The following NMD3 variants were observed in gnomAD, a reference collection of about 807,000 sequenced individuals.
NMD3 encodes the protein 60S ribosomal export protein NMD3.
Under a neutral mutation model 73.1 loss-of-function variants are expected in NMD3, and 47 were observed. That is an observed-to-expected ratio of 0.64 (90% confidence interval 0.51 to 0.82). The LOEUF (loss-of-function observed/expected upper bound fraction) is 0.82. NMD3 is among the 40% of genes least tolerant of loss of function. The probability of loss-of-function intolerance (pLI) is 0.00; values close to 1 mark genes in which losing one functional copy is unlikely to be tolerated. For missense variants in NMD3, 554 were observed against 612.5 expected, an observed-to-expected ratio of 0.90 and a Z score of 1.01; for synonymous variants, 210 against 194.5, an observed-to-expected ratio of 1.08 and a Z score of -0.66.
intron 9 of NMD3, among the ~76,000 whole-genome samples, chr3:161,239,728 G>A (rs1449895908): frequency 6.6e-6 from 1 of 152,126 alleles, no homozygotes; most frequent in Admixed American, 6.5e-5. Flanking sequence ...TATGTACTAG[G>A]GATGAAATGA....
chr3:161,238,659 A>G (rs1044593462), intron 8 of NMD3, 71 bp from the exon 9 acceptor site: 3 of 769,836 alleles, frequency 3.9e-6, no homozygotes, highest in Non-Finnish European at 6.8e-6. Context: ...TTTAATGAAA[A>G]TTGATATTCC....
intron 11 of NMD3, among the ~76,000 whole-genome samples, chr3:161,245,245 T>C (rs1737153848): frequency 6.6e-6 from 1 of 152,062 alleles, no homozygotes; most frequent in Admixed American, 6.6e-5. Context: ...GATGACATTC[T>C]ACATTTTATT....
At position 161,234,950 on chromosome 3, in the gene NMD3, G is replaced by T. The variant is rs1014268274; in HGVS notation, c.486+95G>T. On this transcript the variant is annotated intron_variant, in intron 6 of 15. Coordinates refer to ENST00000351193, the MANE Select transcript of NMD3 (RefSeq NM_015938.5). ...CTTTCTAAATCCAGGGATAGTCTGG[G>T]TCCCTGAAGCATTCACCTTTGGAAA... is the stretch of plus-strand genomic sequence containing the variant. The T allele has an allele frequency of 6.0e-5, 76 of 1,264,140 alleles. 2 individuals are homozygous for T. In the South Asian group the frequency reaches 9.0e-4, roughly 15 times the overall value. The allele number at this position is 1,264,140 out of a possible 1,614,324, so 78.3% of individuals were successfully genotyped here. A position where few individuals can be genotyped will look rare whatever the true frequency, so the allele number is the denominator to read the frequency against.
intron 4 of NMD3, among the ~76,000 whole-genome samples, chr3:161,229,394 G>GT (rs1736450474): frequency 6.6e-6 from 1 of 152,150 alleles, no homozygotes; most frequent in Non-Finnish European, 1.5e-5. Context: ...TTTTAAGGTA[G>GT]TAACATTTAC....
chr3:161,236,778 A>G (rs375492907), intron 7 of NMD3, among the ~76,000 whole-genome samples: 1 of 152,084 alleles, frequency 6.6e-6, no homozygotes, highest in Non-Finnish European at 1.5e-5. Context: ...ATATTTTTCT[A>G]TGTGGATATT....
chr3:161,238,843 T>G lies in NMD3; in HGVS notation c.753+17T>G. 8.3e-7 allele frequency: 1 copy of G among 1,205,474 alleles called. No individual in the cohort carries two copies. Among genetic ancestry groups the G allele is most frequent in the Non-Finnish European group, 1.2e-6 (1 of 826,272 alleles). 74.7% of individuals were successfully genotyped at this position (1,205,474 alleles called of 1,614,324 possible). A position where few individuals can be genotyped will look rare whatever the true frequency, so the allele number is the denominator to read the frequency against. ...ATATGCAAGGTACTTTTCTTTTTCA[T>G]TTAATCCATATCTGTAAAAGAGTAC... On this transcript the variant is annotated intron_variant, in intron 9 of 15. Transcript: ENST00000351193.
chr3:161,226,681 G>C (rs1736331814), intron 3 of NMD3, among the ~76,000 whole-genome samples: 1 of 152,076 alleles, frequency 6.6e-6, no homozygotes, highest in Non-Finnish European at 1.5e-5. Flanking sequence ...TGGGTAGGCA[G>C]GACTAAAAAC....
At chr3:161,237,539 T>C (rs1198765480) in intron 7 of NMD3, among the ~76,000 whole-genome samples, 1 of 25,784 alleles carries the variant, frequency 3.9e-5, no homozygotes, top group Non-Finnish European at 6.1e-5. Flanking sequence ...AATAACTTTC[T>C]TTTTTTTTTT....
chr3:161,241,292 GT>G (rs1418896298), intron 10 of NMD3, 129 bp downstream of exon 10: 1 of 598,784 alleles, frequency 1.7e-6, no homozygotes, highest in African/African-American at 1.9e-5. Context: ...TTGTGCTATT[GT>G]TTAATACAAA....
At chr3:161,240,526 ATTTT>A (rs539406360) in intron 9 of NMD3, among the ~76,000 whole-genome samples, 1 of 111,728 alleles carries the variant, frequency 9.0e-6, no homozygotes, top group Non-Finnish European at 1.7e-5. Flanking sequence ...TGGGCCCTGG[ATTTT>A]TTTTTTTTTT....
At position 161,251,997 on chromosome 3, in the gene NMD3, T is replaced by C. The variant is rs1737505847; in HGVS notation, c.*1087T>C. The C allele has an allele frequency of 6.6e-6, 1 of 152,232 alleles. No homozygotes were observed. Among genetic ancestry groups the C allele is most frequent in the Non-Finnish European group, 1.5e-5 (1 of 68,046 alleles). 9.4% of individuals were successfully genotyped at this position (152,232 alleles called of 1,614,324 possible). The stretch of plus-strand genomic sequence containing the variant: ...CATGTGTGCCACTAAATAAAGAGAT[T>C]GAGCAAGTGCCACTGTGTGGAACAT... On this transcript the variant is annotated 3_prime_UTR_variant, in exon 16 of 16. Transcript: ENST00000351193.
intron 4 of NMD3, among the ~76,000 whole-genome samples, chr3:161,229,700 A>G (rs1736459565): frequency 6.6e-6 from 1 of 152,216 alleles, no homozygotes; most frequent in Non-Finnish European, 1.5e-5. Context: ...GGAGGACTGA[A>G]TCCTGGAATC....
chr3:161,241,022 C>G (rs1292142366), intron 9 of NMD3, 24 bp from the exon 10 acceptor site: 2 of 1,460,406 alleles, frequency 1.4e-6, no homozygotes, highest in Admixed American at 3.4e-5. Flanking sequence ...ATGCCTCATT[C>G]TAAATGTTAG....
chr3:161,238,738 C>T lies in NMD3; in HGVS notation c.665C>T (p.Ala222Val), dbSNP rs767916580. The change falls in exon 9 of 16, where the codon GCA becomes GTA. Residue 222 changes from alanine to valine, a missense_variant. Transcript: ENST00000351193. ...LQCTVPCRYKASQRLISQDIH... is the reference protein window; with the variant it reads ...LQCTVPCRYKVSQRLISQDIH... ...AACTTTTTTCTTAATAGATACAAAG[C>T]ATCACAAAGACTGATCTCTCAAGAT... 2 of 1,515,206 alleles carry T rather than the reference C, an allele frequency of 1.3e-6. No individual in the cohort carries two copies. Among genetic ancestry groups the T allele is most frequent in the Non-Finnish European group, 1.8e-6 (2 of 1,092,772 alleles). The allele number at this position is 1,515,206 out of a possible 1,614,324, so 93.9% of individuals were successfully genotyped here.
intron 4 of NMD3, among the ~76,000 whole-genome samples, chr3:161,232,149 T>C (rs1186408358): frequency 6.6e-6 from 1 of 151,048 alleles, no homozygotes; most frequent in Non-Finnish European, 1.5e-5. Context: ...TTTTTTTTTT[T>C]TTTTTTTTAA....
At chr3:161,227,613 A>G (rs1032328696) in intron 4 of NMD3, among the ~76,000 whole-genome samples, 8 of 151,146 alleles carry the variant, frequency 5.3e-5, no homozygotes, top group Admixed American at 3.3e-4. Flanking sequence ...ACATCTGGCT[A>G]ATTTTTTGTA....
chr3:161,245,517 C>T (rs1016961096), intron 11 of NMD3, among the ~76,000 whole-genome samples: 49 of 151,792 alleles, frequency 3.2e-4, no homozygotes, highest in African/African-American at 1.2e-3. Flanking sequence ...TCAGTTTCTC[C>T]TTCTGCTCTA....
Position 161,249,494 on chromosome 3 carries a change from G to T in NMD3, c.1244G>T (p.Arg415Leu). 1.2e-6 allele frequency: 2 copies of T among 1,612,622 alleles called. No homozygotes were observed. The highest frequency in any genetic ancestry group is 2.2e-5 in the South Asian group (2 of 90,994). Reference protein sequence around the residue: ...KKSYDRTKRQRRRNWKLKELA... With the variant: ...KKSYDRTKRQLRRNWKLKELA... The stretch of plus-strand genomic sequence containing the variant: ...AGCTATGACCGGACCAAACGTCAGC[G>T]TCGTAGAAACTGGAAATTGAAAGAG... Residue 415 changes from arginine to leucine, a missense_variant, in exon 14 of 16, where the codon CGT (arginine) becomes CTT (leucine). Arg to Leu is a moderately radical substitution (Grantham distance 102, BLOSUM62 -2). Transcript: ENST00000351193.
intron 14 of NMD3, among the ~76,000 whole-genome samples, 159 bp from the exon 15 acceptor site, chr3:161,250,097 C>T (rs902746693): frequency 1.3e-5 from 2 of 152,044 alleles, no homozygotes; most frequent in Admixed American, 1.3e-4. Context: ...ATGGTGAAGA[C>T]ACCGATGTCT....
Sources: gnomAD v4.1 joint callset for allele counts (sites outside exome capture counted in the v4.1 genomes callset) on GRCh38, gnomAD v4.1.1 for gene constraint, MANE v1.5 for transcripts, NCBI Gene and HGNC (gene_info 2026-07-23, HGNC 2026-07-21) for gene names.